Variants in ABCF1 observed in about 807,000 individuals in gnomAD.
ABCF1 encodes ATP-binding cassette sub-family F member 1.
Under a neutral mutation model 126.3 loss-of-function variants are expected in ABCF1, and 73 were observed. The ratio of observed to expected loss-of-function variants is 0.58; its 90% CI spans 0.48 to 0.70. The LOEUF (loss-of-function observed/expected upper bound fraction) is 0.70, where lower values mean the gene tolerates loss of function less well. Among genes scored for constraint, ABCF1 ranks in the 30% least tolerant of loss-of-function variants. The pLI is 0.00. For missense variants in ABCF1, 786 were observed against 1,057.5 expected, an observed-to-expected ratio of 0.74 and a Z score of 3.56; for synonymous variants, 345 against 396.4, an observed-to-expected ratio of 0.87 and a Z score of 1.54.
rs1383759978 is a variant in ABCF1 at position 30,584,770 on chromosome 6, G to A, written c.1391+204G>A. On this transcript the variant is annotated intron_variant, in intron 14 of 24. Coordinates refer to ENST00000326195, the MANE Select transcript of ABCF1 (RefSeq NM_001025091.2). The surrounding 1 kb of genome is among the most constrained non-coding windows in gnomAD (Gnocchi z 4.6). ...GTTCTCATCAACATACCCTGCAGCT[G>A]GGTGCAATGGGTCACGCCTGTAATC... Among the ~76,000 whole-genome samples the A allele has an allele frequency of 6.6e-6, 1 of 152,114 alleles. No homozygotes were observed. Among genetic ancestry groups the A allele is most frequent in the Non-Finnish European group, 1.5e-5 (1 of 68,024 alleles).
At chr6:30,582,529 G>A in intron 9 of ABCF1, 22 bp downstream of exon 9, 1 of 1,611,054 alleles carries the variant, frequency 6.2e-7, no homozygotes, top group South Asian at 1.1e-5. Flanking sequence ...GTTCTTAGCG[G>A]TCAAAAGTAG....
chr6:30,585,072 G>A (rs940832679), intron 14 of ABCF1, among the ~76,000 whole-genome samples, 188 bp from the exon 15 acceptor site: 1 of 151,982 alleles, frequency 6.6e-6, no homozygotes, highest in Non-Finnish European at 1.5e-5. Flanking sequence ...GCCACTGCAC[G>A]ACAGCCTGGG....
intron 3 of ABCF1, 21 bp downstream of exon 3, chr6:30,577,934 A>G (rs1338373997): frequency 6.2e-7 from 1 of 1,613,680 alleles, no homozygotes; most frequent in East Asian, 2.2e-5. Flanking sequence ...CACAGGGCCC[A>G]CCAATCCTGG....
At chr6:30,587,846 CA>C (rs756565396) in intron 20 of ABCF1, among the ~76,000 whole-genome samples, 3,124 of 74,348 alleles carry the variant, frequency 0.042, 50 homozygotes, top group African/African-American at 0.087. Flanking sequence ...GAGGCTCTGT[CA>C]AAAAAAAAAA....
chr6:30,574,412 C>T lies in ABCF1; in HGVS notation c.73+2852C>T, dbSNP rs989490762. Among the ~76,000 whole-genome samples the T allele has an allele frequency of 2.0e-5, 3 of 152,224 alleles. No homozygotes were observed. The highest frequency in any genetic ancestry group is 4.4e-5 in the Non-Finnish European group (3 of 68,028). On this transcript the variant is annotated intron_variant, in intron 1 of 24. Coordinates refer to ENST00000326195, the MANE Select transcript of ABCF1 (RefSeq NM_001025091.2). The surrounding 1 kb of genome is among the most constrained non-coding windows in gnomAD (Gnocchi z 4.3). ...CTTGGTCCCCAAAATGTTGGGATTA[C>T]AGGCGTGAGCCAGTGTGCCTGGCCA...
chr6:30,580,593 C>G, intron 8 of ABCF1, 74 bp downstream of exon 8: 2 of 887,198 alleles, frequency 2.3e-6, no homozygotes, highest in Non-Finnish European at 3.2e-6. Flanking sequence ...GAGTTAGAAT[C>G]TGGGGATATA....
chr6:30,578,678 T>G (rs1287178790), intron 6 of ABCF1, 101 bp downstream of exon 6: 8 of 1,029,228 alleles, frequency 7.8e-6, no homozygotes, highest in Non-Finnish European at 1.2e-5. Context: ...TCGGTCTGTC[T>G]TACTTATACT....
chr6:30,573,034 A>C (rs908791540), intron 1 of ABCF1, among the ~76,000 whole-genome samples: 10 of 152,246 alleles, frequency 6.6e-5, no homozygotes, highest in African/African-American at 2.2e-4. Flanking sequence ...ATTGAAGTGC[A>C]TAAGGAATGA....
chr6:30,571,992 C>T (rs752510852), intron 1 of ABCF1, among the ~76,000 whole-genome samples: 29 of 152,100 alleles, frequency 1.9e-4, no homozygotes, highest in Admixed American at 4.6e-4. Context: ...AGGGTGACTC[C>T]TTCATGGTTT....
rs1314058669 is a variant in ABCF1 at position 30,586,450 on chromosome 6, A to T, written c.1886-24A>T. ...TTTGCAGGGACTGAAAAGAATATAAATTGCTTCTTTTCGTGGCTTTCAGGT... is the reference window on the plus strand; with the variant it reads ...TTTGCAGGGACTGAAAAGAATATAATTTGCTTCTTTTCGTGGCTTTCAGGT... On this transcript the variant is annotated intron_variant, in intron 18 of 24. Transcript: ENST00000326195. The surrounding 1 kb of genome is among the most constrained non-coding windows in gnomAD (Gnocchi z 4.9). 5 of 1,612,676 alleles carry T rather than the reference A, an allele frequency of 3.1e-6. No individual in the cohort carries two copies. Among genetic ancestry groups the T allele is most frequent in the Non-Finnish European group, 4.2e-6 (5 of 1,178,988 alleles).
chr6:30,582,985 G>C, intron 9 of ABCF1, 81 bp from the exon 10 acceptor site: 6 of 1,538,280 alleles, frequency 3.9e-6, no homozygotes, highest in Non-Finnish European at 5.3e-6. Context: ...GAGCCAGCAT[G>C]CCCAGCCAGC....
chr6:30,586,350 C>T lies in ABCF1; in HGVS notation c.1885+45C>T. 6.3e-7 allele frequency: 1 copy of T among 1,599,646 alleles called. No homozygotes were observed. Among genetic ancestry groups the T allele is most frequent in the Non-Finnish European group, 8.5e-7 (1 of 1,171,880 alleles). On this transcript the variant is annotated intron_variant, in intron 18 of 24. Coordinates refer to ENST00000326195, the MANE Select transcript of ABCF1 (RefSeq NM_001025091.2). This position sits in a 1 kb window ranked among gnomAD's most constrained non-coding sequence, Gnocchi z 4.9. ...GCTGCTCCACAGGAAGCACCGGAAG[C>T]ATGTATGTGCACCCTAAATTCTCCA...
Position 30,578,152 on chromosome 6 carries a change from T to C in ABCF1, c.293T>C (p.Met98Thr). 6.2e-7 allele frequency: 1 copy of C among 1,613,992 alleles called. No individual in the cohort carries two copies. Among genetic ancestry groups the C allele is most frequent in the Non-Finnish European group, 8.5e-7 (1 of 1,180,008 alleles). Reference protein sequence around the residue: ...VDDDGEEKELMERLKKLSVPT... With the variant: ...VDDDGEEKELTERLKKLSVPT... ...GATGATGGAGAAGAGAAAGAGCTCA[T>C]GGAGCGTCTTAAGAAGCTCTCAGTG... is the stretch of plus-strand genomic sequence containing the variant. Residue 98 changes from methionine (M) to threonine (T), a missense_variant, in exon 4 of 25, where the codon ATG becomes ACG. This residue lies in a region of ABCF1 where 322 missense variants were observed against 322.9 expected (regional missense o/e 1.00). Coordinates refer to ENST00000326195, the MANE Select transcript of ABCF1 (RefSeq NM_001025091.2).
rs952694584 is a variant in ABCF1 at position 30,590,804 on chromosome 6, G to T, written c.*103G>T. ...ACTGCCTCTGGCCTGCAGCTGACCT[G>T]GCAACCATTCAGGCACATGAAGGTG... On this transcript the variant is annotated 3_prime_UTR_variant, in exon 25 of 25. Coordinates refer to ENST00000326195, the MANE Select transcript of ABCF1 (RefSeq NM_001025091.2). The T allele has an allele frequency of 3.0e-6, 4 of 1,340,926 alleles. No individual in the cohort carries two copies. In the African/African-American group the frequency reaches 5.9e-5, roughly 20 times the overall value. 83.1% of individuals were successfully genotyped at this position (1,340,926 alleles called of 1,614,324 possible). A position where few individuals can be genotyped will look rare whatever the true frequency, so the allele number is the denominator to read the frequency against.
In ABCF1 at chr6:30,590,515, G is replaced by A; in HGVS notation, c.2372-20G>A. 1 of 1,603,712 alleles carries A rather than the reference G, an allele frequency of 6.2e-7. No homozygotes were observed. The highest frequency in any genetic ancestry group is 8.5e-7 in the Non-Finnish European group (1 of 1,175,362). ...TTCTCCTTTCTTCCTGCCCTCTGTTGTTGCTATCTTTCTTCAAAGCTGTGA... is the reference window on the plus strand; with the variant it reads ...TTCTCCTTTCTTCCTGCCCTCTGTTATTGCTATCTTTCTTCAAAGCTGTGA... On this transcript the variant is annotated intron_variant, in intron 24 of 24. Transcript: ENST00000326195.
chr6:30,571,567 C>T lies in ABCF1; in HGVS notation c.73+7C>T, dbSNP rs1801240058. 6.2e-7 allele frequency: 1 copy of T among 1,608,448 alleles called. No individual in the cohort carries two copies. The highest frequency in any genetic ancestry group is 1.1e-5 in the South Asian group (1 of 90,464). ...GAGAGCACGAGCCCATCAGGTGAGG[C>T]TGGTAGGCAAGGAAGAAACGAGCAG... is the stretch of plus-strand genomic sequence containing the variant. On this transcript the variant is annotated splice_region_variant and intron_variant, in intron 1 of 24. Transcript: ENST00000326195.
In ABCF1 at chr6:30,585,592, G is replaced by A. The variant is rs141138263; in HGVS notation, c.1510G>A (p.Val504Ile). ...GGGCTGGCGGAAGACCTTGCTGATC[G>A]TCTCCCATGACCAGGGCTTCTTGGA... Reference protein sequence around the residue: ...LQGWRKTLLIVSHDQGFLDDV... With the variant: ...LQGWRKTLLIISHDQGFLDDV... The change falls in exon 16 of 25, where the codon GTC becomes ATC. Residue 504 changes from valine (V) to isoleucine (I), a missense_variant. This residue lies in a region of ABCF1 where 13 missense variants were observed against 55.8 expected (regional missense o/e 0.23). Transcript: ENST00000326195. 2.4e-5 allele frequency: 38 copies of A among 1,612,812 alleles called. No individual in the cohort carries two copies. The highest frequency in any genetic ancestry group is 1.6e-4 in the Middle Eastern group (1 of 6,084).
Position 30,584,487 on chromosome 6 carries a change from C to T in ABCF1, c.1312C>T (p.Leu438=). 1 of 1,613,084 alleles carries T rather than the reference C, an allele frequency of 6.2e-7. No individual in the cohort carries two copies. Among genetic ancestry groups the T allele is most frequent in the Non-Finnish European group, 8.5e-7 (1 of 1,180,034 alleles). Residue 438 remains leucine (L), a synonymous_variant, in exon 14 of 25, where the codon CTG becomes TTG. Coordinates refer to ENST00000326195, the MANE Select transcript of ABCF1 (RefSeq NM_001025091.2). The surrounding 1 kb of genome is among the most constrained non-coding windows in gnomAD (Gnocchi z 4.6). The part of the protein sequence containing the change: ...EAKARRILAG[L]GFDPEMQNRP... The stretch of plus-strand genomic sequence containing the variant: ...CAAAGCACGGCGGATCCTGGCTGGC[C>T]TGGGCTTTGACCCTGAAATGCAGAA...
chr6:30,572,901 G>A (rs1032057148), intron 1 of ABCF1, among the ~76,000 whole-genome samples: 1 of 152,222 alleles, frequency 6.6e-6, no homozygotes, highest in African/African-American at 2.4e-5. Context: ...AAGCCTGACT[G>A]GTCCCACTAG....
Sources: allele counts gnomAD v4.1 joint callset (sites outside exome capture counted in the v4.1 genomes callset), GRCh38; gene constraint gnomAD v4.1.1; regional missense constraint gnomAD v4.1.1; non-coding constraint Gnocchi (gnomAD v3.1); transcripts MANE v1.5; gene names NCBI Gene and HGNC (gene_info 2026-07-23, HGNC 2026-07-21).